Variants in CIT observed in about 807,000 individuals in gnomAD.
CIT encodes citron rho-interacting serine/threonine kinase.
A neutral mutation model predicts 272.7 loss-of-function variants in CIT; 79 were observed. The ratio of observed to expected loss-of-function variants is 0.29; its 90% CI spans 0.24 to 0.35. The LOEUF is 0.35. Among genes scored for constraint, CIT ranks in the 10% least tolerant of loss-of-function variants. CIT has a pLI of 1.00. For missense variants in CIT, 1,909 were observed against 2,618.3 expected (o/e 0.73, Z 5.91); for synonymous variants, 948 against 995.6 (o/e 0.95, Z 0.90).
intron 5 of CIT, among the ~76,000 whole-genome samples, chr12:119,842,855 C>T (rs1209096559): frequency 6.6e-6 from 1 of 152,078 alleles, no homozygotes; most frequent in Non-Finnish European, 1.5e-5. Flanking sequence ...AATTTGAATG[C>T]ACATCAAATT....
intron 22 of CIT, among the ~76,000 whole-genome samples, chr12:119,757,000 G>A (rs889504298): frequency 1.3e-5 from 2 of 151,866 alleles, no homozygotes; most frequent in Admixed American, 6.6e-5. Flanking sequence ...GGCGCCTGTA[G>A]TCCCAGCTAC....
At chr12:119,731,840 AC>A (rs1958472670) in intron 26 of CIT, among the ~76,000 whole-genome samples, 1 of 87,980 alleles carries the variant, frequency 1.1e-5, no homozygotes, top group African/African-American at 4.2e-5. Context: ...ATATATATAT[AC>A]TTTTTTTTTT....
chr12:119,829,007 AAAG>A (rs1224358249), intron 7 of CIT, among the ~76,000 whole-genome samples: 4 of 145,130 alleles, frequency 2.8e-5, no homozygotes, highest in Non-Finnish European at 6.1e-5. Flanking sequence ...GGAAGGAAGG[AAAG>A]GGGGGAAGAA....
intron 41 of CIT, among the ~76,000 whole-genome samples, chr12:119,703,350 C>G (rs1008811229): frequency 1.6e-4 from 24 of 152,166 alleles, no homozygotes; most frequent in African/African-American, 5.8e-4. Flanking sequence ...TAAACTAACA[C>G]CACCCTGCCC....
chr12:119,704,124 G>T (rs555114926), intron 41 of CIT, among the ~76,000 whole-genome samples: 1 of 152,122 alleles, frequency 6.6e-6, no homozygotes, highest in Admixed American at 6.6e-5. Flanking sequence ...TGGATGGGGA[G>T]GCAGTTCGCA....
chr12:119,824,024 G>A (rs1967948496), intron 8 of CIT, among the ~76,000 whole-genome samples: 2 of 88,086 alleles, frequency 2.3e-5, no homozygotes, highest in South Asian at 9.2e-4. Context: ...GGGTAACAGA[G>A]CAAGACTCCA....
chr12:119,760,275 C>A (rs1961595166), intron 20 of CIT, among the ~76,000 whole-genome samples: 2 of 151,052 alleles, frequency 1.3e-5, no homozygotes, highest in Non-Finnish European at 2.9e-5. Flanking sequence ...ACCTTAGGGG[C>A]AACAAGTTTC....
At position 119,697,180 on chromosome 12, in the gene CIT, C is replaced by A. The variant is rs964713377; in HGVS notation, c.5882+479G>T. Reference sequence around the variant, plus strand: ...CCCCACCTCGTATCTGATGGGAAATCCTCCCTCACCTCCACGTCCAGGCTT... The same window carrying A: ...CCCCACCTCGTATCTGATGGGAAATACTCCCTCACCTCCACGTCCAGGCTT... On this transcript the variant is annotated intron_variant, in intron 46 of 47. Coordinates refer to ENST00000392521, the MANE Select transcript of CIT (RefSeq NM_001206999.2). The surrounding 1 kb of genome is among the most constrained non-coding windows in gnomAD (Gnocchi z 4.9). 1.3e-5 allele frequency among the ~76,000 whole-genome samples: 2 copies of A among 152,086 alleles called. No homozygotes were observed. The highest frequency in any genetic ancestry group is 1.3e-4 in the Admixed American group (2 of 15,262).
chr12:119,837,745 T>C (rs1271477460), intron 5 of CIT, among the ~76,000 whole-genome samples: 5 of 152,276 alleles, frequency 3.3e-5, no homozygotes, highest in South Asian at 2.1e-4. Context: ...CCAAGCCTGA[T>C]TGTCCATCAG....
intron 43 of CIT, 108 bp from the exon 44 acceptor site, chr12:119,700,933 A>G: frequency 1.2e-6 from 1 of 816,062 alleles, no homozygotes; most frequent in South Asian, 1.5e-5. Flanking sequence ...ACCCCTGGCC[A>G]GATGGGACTG....
rs1361003548 is a variant in CIT, at chr12:119,734,361, C to A, written c.3157-4G>T. On this transcript the variant is annotated splice_region_variant and splice_polypyrimidine_tract_variant and intron_variant, in intron 25 of 47. Transcript: ENST00000392521. The stretch of plus-strand genomic sequence containing the variant: ...TGGTCTTCAGAGCCTCCATCGTCTG[C>A]AAATCAGTAGCACTGATTTGTGCCT... 2 of 1,612,168 alleles carry A rather than the reference C, an allele frequency of 1.2e-6. No individual in the cohort carries two copies. The highest frequency in any genetic ancestry group is 3.3e-5 in the Admixed American group (2 of 60,016).
rs1956269677 is a variant in CIT at position 119,697,167 on chromosome 12, T to C, written c.5882+492A>G. Among the ~76,000 whole-genome samples, 2 of 152,012 alleles carry C rather than the reference T, an allele frequency of 1.3e-5. No individual in the cohort carries two copies. Among genetic ancestry groups the C allele is most frequent in the African/African-American group, 4.8e-5 (2 of 41,376 alleles). On this transcript the variant is annotated intron_variant, in intron 46 of 47. Transcript: ENST00000392521. This position sits in a 1 kb window ranked among gnomAD's most constrained non-coding sequence, Gnocchi z 4.9. ...CTGGTCTCCCTGCCCCCACCTCGTATCTGATGGGAAATCCTCCCTCACCTC... is the reference window on the plus strand; with the variant it reads ...CTGGTCTCCCTGCCCCCACCTCGTACCTGATGGGAAATCCTCCCTCACCTC...
rs967420634 is a variant in CIT at position 119,768,640 on chromosome 12, A to T, written c.2209-1458T>A. ...TCAATCTTAAGACCAGGTGCACAAGATCTACTGCAATTCAATAGATGTGAT... is the reference window on the plus strand; with the variant it reads ...TCAATCTTAAGACCAGGTGCACAAGTTCTACTGCAATTCAATAGATGTGAT... On this transcript the variant is annotated intron_variant, in intron 18 of 47. Coordinates refer to ENST00000392521, the MANE Select transcript of CIT (RefSeq NM_001206999.2). The surrounding 1 kb of genome is among the most constrained non-coding windows in gnomAD (Gnocchi z 4.3). Among the ~76,000 whole-genome samples the T allele has an allele frequency of 1.3e-5, 2 of 152,194 alleles. No individual in the cohort carries two copies. The highest frequency in any genetic ancestry group is 4.8e-5 in the African/African-American group (2 of 41,436).
At chr12:119,783,851 GACAC>G in intron 12 of CIT, 53 bp downstream of exon 12, 1 of 1,525,040 alleles carries the variant, frequency 6.6e-7, no homozygotes, top group Non-Finnish European at 8.8e-7. Flanking sequence ...AACAGGATGA[GACAC>G]ACACAACAGG....
chr12:119,725,888 G>A (rs1958069593), intron 28 of CIT, among the ~76,000 whole-genome samples: 2 of 152,200 alleles, frequency 1.3e-5, no homozygotes, highest in Non-Finnish European at 2.9e-5. Flanking sequence ...TGGGAACACT[G>A]TCTATTCACT....
intron 41 of CIT, among the ~76,000 whole-genome samples, chr12:119,703,855 C>CA (rs1956724927): frequency 6.6e-6 from 1 of 152,200 alleles, no homozygotes; most frequent in African/African-American, 2.4e-5. Flanking sequence ...ATCTAACACA[C>CA]ATCTCGTCCA....
In CIT at chr12:119,712,055, T is replaced by A. The variant is rs544983141; in HGVS notation, c.4854+123A>T. 22 of 929,652 alleles carry A rather than the reference T, an allele frequency of 2.4e-5. No homozygotes were observed. The highest frequency in any genetic ancestry group is 2.2e-4 in the East Asian group (9 of 40,370). The allele number at this position is 929,652 out of a possible 1,614,324, so 57.6% of individuals were successfully genotyped here. A position where few individuals can be genotyped will look rare whatever the true frequency, so the allele number is the denominator to read the frequency against. On this transcript the variant is annotated intron_variant, in intron 37 of 47. Transcript: ENST00000392521. The surrounding 1 kb of genome is among the most constrained non-coding windows in gnomAD (Gnocchi z 5.2). ...CTGGCCATGACACAGTCTAGAGCCA[T>A]CAGCCCTCAGAGAGAGAGCCTGAGG...
chr12:119,802,047 CCCATAGGGAGACACCATCCAGGAA>C lies in CIT; in HGVS notation c.1295+1135_1295+1158del, dbSNP rs1222140996. Among the ~76,000 whole-genome samples the C allele has an allele frequency of 8.5e-5, 13 of 152,268 alleles. No homozygotes were observed. In the East Asian group the frequency reaches 2.3e-3, roughly 27 times the overall value. ...CAGGAACGTTACTGTCAAAATAGCA[CCCATAGGGAGACACCATCCAGGAA>C]CCAACATAACATCCCTATAAATCGA... On this transcript the variant is annotated intron_variant, in intron 10 of 47. Transcript: ENST00000392521.
At chr12:119,744,927 G>A (rs1959190941) in intron 23 of CIT, among the ~76,000 whole-genome samples, 1 of 151,818 alleles carries the variant, frequency 6.6e-6, no homozygotes, top group South Asian at 2.1e-4. Context: ...AACACAATGA[G>A]AAAAGAAAAA....
Sources: gnomAD v4.1 joint callset for allele counts (sites outside exome capture counted in the v4.1 genomes callset) on GRCh38, gnomAD v4.1.1 for gene constraint, Gnocchi (gnomAD v3.1) non-coding constraint, MANE v1.5 for transcripts, NCBI Gene and HGNC (gene_info 2026-07-23, HGNC 2026-07-21) for gene names.